Variants in HSPG2 observed in about 807,000 individuals in gnomAD.
HSPG2 encodes basement membrane-specific heparan sulfate proteoglycan core protein.
Under a neutral mutation model 526.6 loss-of-function variants are expected in HSPG2, and 278 were observed. The ratio of observed to expected loss-of-function variants is 0.53; its 90% CI spans 0.48 to 0.58. The LOEUF (loss-of-function observed/expected upper bound fraction) is 0.58, where lower values mean the gene tolerates loss of function less well. Ranked by LOEUF, HSPG2 falls within the 20% of genes least tolerant of loss-of-function variation. The pLI, the probability that HSPG2 is intolerant of heterozygous loss-of-function variation, is 0.00. For missense variants in HSPG2, 5,354 were observed against 6,099.5 expected, an observed-to-expected ratio of 0.88 and a Z score of 4.07; for synonymous variants, 2,465 against 2,555.4, an observed-to-expected ratio of 0.96 and a Z score of 1.07.
In HSPG2 at chr1:21,876,287, T is replaced by C. The variant is rs908469112; in HGVS notation, c.2945A>G (p.His982Arg). 1.2e-6 allele frequency: 2 copies of C among 1,613,880 alleles called. No homozygotes were observed. The highest frequency in any genetic ancestry group is 2.7e-5 in the African/African-American group (2 of 74,986). Residue 982 changes from histidine (H) to arginine (R), a missense_variant, in exon 23 of 97, where the codon CAC becomes CGC. Coordinates refer to ENST00000374695, the MANE Select transcript of HSPG2 (RefSeq NM_005529.7). Reference sequence around the variant, plus strand: ...GAAGTAGGGTCCAGATAAGAGTCTGTGGAAGGAGGAGAATCCCAGTTCCCC... The same window carrying C: ...GAAGTAGGGTCCAGATAAGAGTCTGCGGAAGGAGGAGAATCCCAGTTCCCC... ...TPGELGFSSFHRLLSGPYFWS... is the reference protein window; with the variant it reads ...TPGELGFSSFRRLLSGPYFWS...
At chr1:21,854,516 G>C (rs1329872428) in intron 49 of HSPG2, 95 bp downstream of exon 49, 3 of 1,460,364 alleles carry the variant, frequency 2.1e-6, no homozygotes, top group Non-Finnish European at 2.8e-6. Context: ...AACGTGTGGG[G>C]CAGTGTGCCG....
Position 21,888,020 on chromosome 1 carries a change from G to A in HSPG2, c.621C>T (p.His207=), listed in dbSNP as rs1308766511. The A allele has an allele frequency of 1.9e-6, 3 of 1,614,200 alleles. No homozygotes were observed. The highest frequency in any genetic ancestry group is 1.7e-6 in the Non-Finnish European group (2 of 1,180,046). ...CCAGGGCCACACACTCATTGTAGCT[G>A]TGGCAGGCAAACTCGGCCTCCGTGC... ...RACTEAEFAC[H]SYNECVALEY... Residue 207 remains histidine, a synonymous_variant, in exon 7 of 97, where the codon CAC becomes CAT. Coordinates refer to ENST00000374695, the MANE Select transcript of HSPG2 (RefSeq NM_005529.7).
intron 6 of HSPG2, among the ~76,000 whole-genome samples, chr1:21,888,334 AT>A (rs1642096841): frequency 6.6e-6 from 1 of 152,186 alleles, no homozygotes; most frequent in African/African-American, 2.4e-5. Flanking sequence ...CACCACACAC[AT>A]GCAGGCCACA....
chr1:21,881,259 C>T, intron 14 of HSPG2, 80 bp downstream of exon 14: 1 of 1,533,036 alleles, frequency 6.5e-7, no homozygotes, highest in Non-Finnish European at 9.0e-7. Flanking sequence ...CCAAGTCTGC[C>T]TTGTTGTCCA....
rs751007098 is a variant in HSPG2 at position 21,848,975 on chromosome 1, G to A, written c.7503C>T (p.Tyr2501=). 6.8e-6 allele frequency: 11 copies of A among 1,613,882 alleles called. No individual in the cohort carries two copies. The highest frequency in any genetic ancestry group is 3.3e-5 in the South Asian group (3 of 91,086). Residue 2501 remains tyrosine, a synonymous_variant, in exon 58 of 97, where the codon TAC becomes TAT. Transcript: ENST00000374695. This position sits in a 1 kb window ranked among gnomAD's most constrained non-coding sequence, Gnocchi z 4.9. ...CTGAGCTGCCGACCACACGGCACAC[G>A]TACTCCCCTGAATCAGCTGGGGTCA... ...LQVTPADSGE[Y]VCRVVGSSGT... is the part of the protein sequence containing the mutation.
Position 21,851,862 on chromosome 1 carries a change from C to G in HSPG2, c.6935G>C (p.Arg2312Pro), listed in dbSNP as rs151178822. 6.2e-7 allele frequency: 1 copy of G among 1,613,072 alleles called. No homozygotes were observed. The highest frequency in any genetic ancestry group is 1.3e-5 in the African/African-American group (1 of 74,940). Residue 2312 changes from arginine (R) to proline (P), a missense_variant, in exon 54 of 97, where the codon CGG becomes CCG. Physicochemically the swap from Arg to Pro is moderately radical, Grantham distance 103. Coordinates refer to ENST00000374695, the MANE Select transcript of HSPG2 (RefSeq NM_005529.7). ...GGAGGCCTCCATGCCGTTGCTGGCCCGGCAGACGTACTGTCCCGCATCGGC... is the reference window on the plus strand; with the variant it reads ...GGAGGCCTCCATGCCGTTGCTGGCCGGGCAGACGTACTGTCCCGCATCGGC... ...SPADAGQYVC[R>P]ASNGMEASIT...
At position 21,824,940 on chromosome 1, in the gene HSPG2, C is replaced by G. The variant is rs2097965856; in HGVS notation, c.12590-161G>C. The G allele has an allele frequency of 1.4e-6, 1 of 696,004 alleles. No individual in the cohort carries two copies. The highest frequency in any genetic ancestry group is 2.6e-6 in the Non-Finnish European group (1 of 380,592). 43.1% of individuals were successfully genotyped at this position (696,004 alleles called of 1,614,324 possible). ...GGGGCTGCCAACAGAATTCAGGGAGCCTATGACCTTGGATGGGAAAGCATT... is the reference window on the plus strand; with the variant it reads ...GGGGCTGCCAACAGAATTCAGGGAGGCTATGACCTTGGATGGGAAAGCATT... On this transcript the variant is annotated intron_variant, in intron 91 of 96. Transcript: ENST00000374695. This position sits in a 1 kb window ranked among gnomAD's most constrained non-coding sequence, Gnocchi z 5.9.
intron 57 of HSPG2, among the ~76,000 whole-genome samples, chr1:21,849,817 T>C (rs1638743904): frequency 6.6e-6 from 1 of 152,108 alleles, no homozygotes; most frequent in Non-Finnish European, 1.5e-5. Context: ...GTAGCTGGGA[T>C]TACAGGCGCG....
At chr1:21,888,128 T>C in intron 6 of HSPG2, 62 bp from the exon 7 acceptor site, 1 of 1,606,882 alleles carries the variant, frequency 6.2e-7, no homozygotes, top group Non-Finnish European at 8.5e-7. Flanking sequence ...CGGGAAGCTG[T>C]AGGTGCTGTG....
At chr1:21,883,085 C>T (rs1022847413) in intron 13 of HSPG2, among the ~76,000 whole-genome samples, 12 of 152,126 alleles carry the variant, frequency 7.9e-5, no homozygotes, top group Non-Finnish European at 5.9e-5. Context: ...ATCAGACAGC[C>T]CTGGGTTCAG....
Position 21,829,530 on chromosome 1 carries a change from GGT to G in HSPG2, c.11843_11844del (p.His3948ProfsTer15). On this transcript the variant is annotated frameshift_variant, in exon 87 of 97. Transcript: ENST00000374695. LOFTEE classifies it high-confidence loss of function. ...AACTCCACGTCCAGGCGTAGCTCGT[GGT>G]GTGTGTTGGTGAGGGCGGGCAGTGC... ...YLALPALTNTHHELRLDVEFK... is the reference protein window; with the variant it reads ...YLALPALTNTXHELRLDVEFK... The G allele has an allele frequency of 6.2e-7, 1 of 1,612,996 alleles. No individual in the cohort carries two copies. Among genetic ancestry groups the G allele is most frequent in the Admixed American group, 1.7e-5 (1 of 60,008 alleles).
chr1:21,824,717 C>T lies in HSPG2; in HGVS notation c.12652G>A (p.Val4218Ile). The change falls in exon 92 of 97, where the codon GTC becomes ATC. Residue 4218 changes from valine (V) to isoleucine (I), a missense_variant. Physicochemically the swap from Val to Ile is conservative, Grantham distance 29 (BLOSUM62 3). Transcript: ENST00000374695. The surrounding 1 kb of genome is among the most constrained non-coding windows in gnomAD (Gnocchi z 5.9). Reference sequence around the variant, plus strand: ...TGCCAGTCTCACCTCCTGGAGAAGACATGGCCAGGGAAGGCGAGGAAGCCA... The same window carrying T: ...TGCCAGTCTCACCTCCTGGAGAAGATATGGCCAGGGAAGGCGAGGAAGCCA... Reference protein sequence around the residue: ...DDGFLAFPGHVFSRSLPEVPE... With the variant: ...DDGFLAFPGHIFSRSLPEVPE... 1.2e-6 allele frequency: 2 copies of T among 1,613,738 alleles called. No homozygotes were observed. Among genetic ancestry groups the T allele is most frequent in the Non-Finnish European group, 1.7e-6 (2 of 1,179,878 alleles).
At position 21,872,596 on chromosome 1, in the gene HSPG2, G is replaced by C; in HGVS notation, c.4029+24C>G. On this transcript the variant is annotated intron_variant, in intron 32 of 96. Coordinates refer to ENST00000374695, the MANE Select transcript of HSPG2 (RefSeq NM_005529.7). The surrounding 1 kb of genome is among the most constrained non-coding windows in gnomAD (Gnocchi z 5.5). Reference sequence around the variant, plus strand: ...AGGCAGCAGGTGGCAACACCGCCTGGGGCTGGGCAGCACAGGCTCTCACCA... The same window carrying C: ...AGGCAGCAGGTGGCAACACCGCCTGCGGCTGGGCAGCACAGGCTCTCACCA... 1 of 1,571,474 alleles carries C rather than the reference G, an allele frequency of 6.4e-7. No homozygotes were observed.
Position 21,854,788 on chromosome 1 carries a change from C to T in HSPG2, c.6134-23G>A, listed in dbSNP as rs1256751186. The T allele has an allele frequency of 5.6e-6, 9 of 1,613,042 alleles. No homozygotes were observed. In the East Asian group the frequency reaches 6.7e-5, roughly 12 times the overall value. On this transcript the variant is annotated intron_variant, in intron 48 of 96. Transcript: ENST00000374695. ...AGGCTGGGGCCAGAGTAGGGGTCAG[C>T]AGGCCCCAGGGGAGCCCTGGCTTGC...
In HSPG2 at chr1:21,855,822, G is replaced by A. The variant is rs1639297661; in HGVS notation, c.5666C>T (p.Ala1889Val). 6.2e-7 allele frequency: 1 copy of A among 1,613,242 alleles called. No homozygotes were observed. The change falls in exon 45 of 97, where the codon GCC (alanine) becomes GTC (valine). Residue 1889 changes from alanine to valine, a missense_variant. Transcript: ENST00000374695. ...GAGGGTGGGCGTGGGGCTCCCTGTG[G>A]CGCTGCAGCGGAACTCCGCCAGTTG... ...PGQLAEFRCS[A>V]TGSPTPTLEW... is the part of the protein sequence containing the mutation.
At chr1:21,901,707 T>C (rs12092414) in intron 1 of HSPG2, among the ~76,000 whole-genome samples, 14,858 of 152,068 alleles carry the variant, frequency 0.098, 1,802 homozygotes, top group African/African-American at 0.27. Flanking sequence ...CCAGGGCGGC[T>C]GCAGCTGCCC....
At position 21,887,737 on chromosome 1, in the gene HSPG2, C is replaced by T; in HGVS notation, c.704-63G>A. 6.2e-7 allele frequency: 1 copy of T among 1,609,830 alleles called. No homozygotes were observed. Among genetic ancestry groups the T allele is most frequent in the Middle Eastern group, 1.7e-4 (1 of 5,806 alleles). The stretch of plus-strand genomic sequence containing the variant: ...ATGGCTCCTCACCTGCTCCTTGTCC[C>T]CAACCCTCCCCAGGCCCACCCTGTA... On this transcript the variant is annotated intron_variant, in intron 7 of 96. Transcript: ENST00000374695. The surrounding 1 kb of genome is among the most constrained non-coding windows in gnomAD (Gnocchi z 5.0).
At chr1:21,929,672 G>A (rs1370331852) in intron 1 of HSPG2, among the ~76,000 whole-genome samples, 1 of 149,426 alleles carries the variant, frequency 6.7e-6, no homozygotes, top group Non-Finnish European at 1.5e-5. Flanking sequence ...TGAGAATTCT[G>A]GACTCCACCT....
At chr1:21,885,520 C>T in intron 9 of HSPG2, 69 bp from the exon 10 acceptor site, 1 of 1,577,386 alleles carries the variant, frequency 6.3e-7, no homozygotes, top group Non-Finnish European at 8.7e-7. Context: ...CCCAGGGCCA[C>T]TCTCTCATCT....
Sources: allele counts gnomAD v4.1 joint callset (sites outside exome capture counted in the v4.1 genomes callset), GRCh38; gene constraint gnomAD v4.1.1; non-coding constraint Gnocchi (gnomAD v3.1); transcripts MANE v1.5; gene names NCBI Gene and HGNC (gene_info 2026-07-23, HGNC 2026-07-21).